SLC24A3: variants seen among roughly 807,000 people sequenced by gnomAD.
The protein encoded by SLC24A3 is sodium/potassium/calcium exchanger 3.
Under a neutral mutation model 75.8 loss-of-function variants are expected in SLC24A3, and 28 were observed. That is an observed-to-expected ratio of 0.37 (90% confidence interval 0.27 to 0.51). The LOEUF (loss-of-function observed/expected upper bound fraction) is 0.51, where lower values mean the gene tolerates loss of function less well. Ranked by LOEUF, SLC24A3 falls within the 20% of genes least tolerant of loss-of-function variation. SLC24A3 has a pLI of 0.94. For missense variants in SLC24A3, 663 were observed against 847.8 expected (o/e 0.78, Z 2.71); for synonymous variants, 372 against 334.1 (o/e 1.11, Z -1.24).
At chr20:19,271,767 A>G (rs550823205) in intron 1 of SLC24A3, among the ~76,000 whole-genome samples, 1 of 152,292 alleles carries the variant, frequency 6.6e-6, no homozygotes, top group African/African-American at 2.4e-5. Flanking sequence ...GTTCCCACTC[A>G]TAAGTGGGAG....
chr20:19,304,396 G>A (rs762173632), intron 2 of SLC24A3, among the ~76,000 whole-genome samples: 10 of 152,098 alleles, frequency 6.6e-5, no homozygotes, highest in African/African-American at 4.8e-5. Flanking sequence ...CCTCATTGCC[G>A]GAACAAATTT....
At chr20:19,666,033 C>T in intron 8 of SLC24A3, 144 bp downstream of exon 8, 2 of 869,982 alleles carry the variant, frequency 2.3e-6, no homozygotes, top group Non-Finnish European at 3.5e-6. Flanking sequence ...ACCCTCTGCA[C>T]ACCTCAGGGG....
chr20:19,519,071 G>T (rs1472258201), intron 3 of SLC24A3, among the ~76,000 whole-genome samples: 1 of 152,118 alleles, frequency 6.6e-6, no homozygotes, highest in African/African-American at 2.4e-5. Context: ...CTTTTCCTGG[G>T]GTTCACTGCT....
At chr20:19,637,256 G>C (rs549855576) in intron 6 of SLC24A3, among the ~76,000 whole-genome samples, 2 of 152,348 alleles carry the variant, frequency 1.3e-5, no homozygotes, top group South Asian at 2.1e-4. Flanking sequence ...AGCCAAGATC[G>C]TGCCACTGCA....
chr20:19,546,204 G>A (rs1479054109), intron 3 of SLC24A3, among the ~76,000 whole-genome samples: 1 of 132,454 alleles, frequency 7.5e-6, no homozygotes, highest in African/African-American at 2.9e-5. Flanking sequence ...TAATCGACCT[G>A]AGCCTTCTTA....
intron 8 of SLC24A3, among the ~76,000 whole-genome samples, chr20:19,672,080 C>G (rs1161716086): frequency 6.6e-6 from 1 of 152,024 alleles, no homozygotes; most frequent in Non-Finnish European, 1.5e-5. Flanking sequence ...CATGCTTGGA[C>G]TGGTGTGGAT....
intron 13 of SLC24A3, chr20:19,695,288 CT>C (rs2032791525): frequency 2.0e-5 from 3 of 152,208 alleles, no homozygotes; most frequent in African/African-American, 7.2e-5. Flanking sequence ...GAATGTGCTC[CT>C]TACAACATGT....
At chr20:19,323,491 T>C (rs1262859452) in intron 2 of SLC24A3, among the ~76,000 whole-genome samples, 1 of 152,150 alleles carries the variant, frequency 6.6e-6, no homozygotes, top group East Asian at 1.9e-4. Context: ...TTTTAAAATA[T>C]AAGGGTACCT....
chr20:19,517,302 A>G (rs2030014505), intron 3 of SLC24A3, among the ~76,000 whole-genome samples: 1 of 152,082 alleles, frequency 6.6e-6, no homozygotes, highest in South Asian at 2.1e-4. Context: ...GGACCCAAAC[A>G]CTGCGTGCTT....
intron 2 of SLC24A3, among the ~76,000 whole-genome samples, chr20:19,392,154 GAATT>G (rs1986377942): frequency 6.6e-6 from 1 of 151,972 alleles, no homozygotes; most frequent in South Asian, 2.1e-4. Flanking sequence ...GTCAGGTGAG[GAATT>G]AAGATTTATA....
chr20:19,291,450 C>T (rs762813052), intron 2 of SLC24A3, among the ~76,000 whole-genome samples: 5 of 152,186 alleles, frequency 3.3e-5, no homozygotes, highest in Non-Finnish European at 7.3e-5. Flanking sequence ...GGCCACACCT[C>T]GGTTTGTGTG....
rs1351594540 is a variant in SLC24A3, at chr20:19,693,590, T to C, written c.1491+165T>C. On this transcript the variant is annotated intron_variant, in intron 13 of 16. Coordinates refer to ENST00000328041, the MANE Select transcript of SLC24A3 (RefSeq NM_020689.4). ...AGTAGTTTAGAATTGCAGGCATCGA[T>C]TCTCCTGCTCACACGTCTTCATGTT... The C allele has an allele frequency of 3.7e-6, 3 of 814,388 alleles. No individual in the cohort carries two copies. In the African/African-American group the frequency reaches 5.2e-5, roughly 14 times the overall value. 50.4% of individuals were successfully genotyped at this position (814,388 alleles called of 1,614,324 possible).
Position 19,325,795 on chromosome 20 carries a change from T to TATATATAG in SLC24A3, c.271+44709_271+44710insTATATAGA, listed in dbSNP as rs1251419875. On this transcript the variant is annotated intron_variant, in intron 2 of 16. Transcript: ENST00000328041. ...ATATATACATATATATATATATATA[T>TATATATAG]AGAGAGAGAGAGAGAGAGAGAGAGA... 7.8e-3 allele frequency among the ~76,000 whole-genome samples: 528 copies of TATATATAG among 67,752 alleles called. 7 individuals carry two copies. The highest frequency in any genetic ancestry group is 0.012 in the Non-Finnish European group (427 of 35,964). The allele number at this position is 67,752 out of a possible 152,430, so 44.4% of individuals were successfully genotyped here. A position where few individuals can be genotyped will look rare whatever the true frequency, so the allele number is the denominator to read the frequency against.
chr20:19,656,921 C>T (rs770635360), intron 7 of SLC24A3, among the ~76,000 whole-genome samples: 11 of 152,148 alleles, frequency 7.2e-5, no homozygotes. Context: ...TTGTTAATGA[C>T]GTGTGAATAA....
chr20:19,488,669 G>A (rs1016376828), intron 2 of SLC24A3, among the ~76,000 whole-genome samples: 24 of 152,286 alleles, frequency 1.6e-4, no homozygotes, highest in African/African-American at 5.3e-4. Flanking sequence ...TCTGAAATAC[G>A]CAGGACCAGA....
rs141558399 is a variant in SLC24A3, at chr20:19,535,810, G to A, written c.348+20246G>A. Among the ~76,000 whole-genome samples the A allele has an allele frequency of 2.6e-3, 397 of 152,280 alleles. 1 individual carries two copies. Among genetic ancestry groups the A allele is most frequent in the Non-Finnish European group, 4.8e-3 (324 of 68,028 alleles). ...TGTGATGCTATAACATAACATCACA[G>A]ACTAGGAAATTTATAAACAATAGAA... is the stretch of plus-strand genomic sequence containing the variant. On this transcript the variant is annotated intron_variant, in intron 3 of 16. Coordinates refer to ENST00000328041, the MANE Select transcript of SLC24A3 (RefSeq NM_020689.4).
intron 2 of SLC24A3, among the ~76,000 whole-genome samples, chr20:19,306,177 T>C (rs1029608236): frequency 6.6e-6 from 1 of 152,036 alleles, no homozygotes; most frequent in African/African-American, 2.4e-5. Context: ...CAAGAAGATA[T>C]CATCTCACAT....
At chr20:19,434,632 T>C (rs1051249105) in intron 2 of SLC24A3, among the ~76,000 whole-genome samples, 20 of 152,252 alleles carry the variant, frequency 1.3e-4, no homozygotes, top group African/African-American at 4.8e-4. Flanking sequence ...TTCTCTTTTT[T>C]TCTCTACATC....
chr20:19,444,214 C>T (rs1345389072), intron 2 of SLC24A3, among the ~76,000 whole-genome samples: 1 of 152,102 alleles, frequency 6.6e-6, no homozygotes, highest in Non-Finnish European at 1.5e-5. Context: ...TTTTTATATA[C>T]CTCATTGGAT....
Sources: gnomAD v4.1 joint callset for allele counts (sites outside exome capture counted in the v4.1 genomes callset) on GRCh38, gnomAD v4.1.1 for gene constraint, MANE v1.5 for transcripts, NCBI Gene and HGNC (gene_info 2026-07-23, HGNC 2026-07-21) for gene names.